ATF6: variants seen among roughly 807,000 people sequenced by gnomAD.
ATF6 encodes activating transcription factor 6.
ATF6 carries 53 observed loss-of-function variants against 83.6 expected under a neutral mutation model. The observed-to-expected ratio is 0.63, with a 90% CI of 0.51 to 0.80. The LOEUF is 0.80. Among genes scored for constraint, ATF6 ranks in the 30% least tolerant of loss-of-function variants. The pLI, the probability that ATF6 is intolerant of heterozygous loss-of-function variation, is 0.00. For missense variants in ATF6, 744 were observed against 797.9 expected, an observed-to-expected ratio of 0.93 and a Z score of 0.81; for synonymous variants, 288 against 285.8, an observed-to-expected ratio of 1.01 and a Z score of -0.08.
intron 2 of ATF6, among the ~76,000 whole-genome samples, chr1:161,781,375 A>G (rs1684632108): frequency 6.6e-6 from 1 of 152,210 alleles, no homozygotes. Flanking sequence ...AGAAAAAAGG[A>G]AAATTACTCA....
intron 15 of ATF6, among the ~76,000 whole-genome samples, chr1:161,937,847 A>T (rs991600052): frequency 4.4e-4 from 66 of 151,706 alleles, no homozygotes; most frequent in African/African-American, 4.8e-5. Context: ...TATGTAACAA[A>T]CCTGCACGTT....
chr1:161,785,863 A>G (rs1022934922), intron 4 of ATF6, among the ~76,000 whole-genome samples: 19 of 151,998 alleles, frequency 1.3e-4, no homozygotes, highest in African/African-American at 4.3e-4. Context: ...GTTTTGTTTT[A>G]TATCTCTTTT....
intron 7 of ATF6, among the ~76,000 whole-genome samples, chr1:161,814,678 C>G (rs1685567942): frequency 6.6e-6 from 1 of 152,112 alleles, no homozygotes; most frequent in Admixed American, 6.5e-5. Flanking sequence ...TTTTGACTGT[C>G]ATGAGATTGA....
intron 10 of ATF6, among the ~76,000 whole-genome samples, chr1:161,849,224 A>C (rs191719330): frequency 1.6e-3 from 245 of 152,258 alleles, no homozygotes; most frequent in Non-Finnish European, 3.0e-3. Flanking sequence ...TCAATGCTTC[A>C]TTTTAGGCTG....
At chr1:161,808,495 G>A (rs968905568) in intron 7 of ATF6, among the ~76,000 whole-genome samples, 2 of 152,058 alleles carry the variant, frequency 1.3e-5, no homozygotes, top group African/African-American at 4.8e-5. Flanking sequence ...CCTGCAACTT[G>A]CTTTTCTCAC....
At chr1:161,828,785 CT>C (rs1384738891) in intron 9 of ATF6, among the ~76,000 whole-genome samples, 2 of 152,096 alleles carry the variant, frequency 1.3e-5, no homozygotes, top group Admixed American at 1.3e-4. Flanking sequence ...TTTAGGTGGG[CT>C]TATGTTGGTG....
At chr1:161,941,883 C>T (rs1394631611) in intron 15 of ATF6, among the ~76,000 whole-genome samples, 2 of 152,038 alleles carry the variant, frequency 1.3e-5, no homozygotes, top group African/African-American at 2.4e-5. Flanking sequence ...AGAGATCTGC[C>T]GCTACGAGCT....
At chr1:161,910,141 G>A (rs1009621631) in intron 14 of ATF6, among the ~76,000 whole-genome samples, 18 of 152,144 alleles carry the variant, frequency 1.2e-4, no homozygotes, top group African/African-American at 4.1e-4. Context: ...GGAAGTGGAG[G>A]TAAATATTCA....
chr1:161,940,789 C>T (rs1398618853), intron 15 of ATF6, among the ~76,000 whole-genome samples: 1 of 152,116 alleles, frequency 6.6e-6, no homozygotes, highest in Admixed American at 6.5e-5. Flanking sequence ...GCCTCGATCT[C>T]TTGACCTTGT....
intron 14 of ATF6, among the ~76,000 whole-genome samples, chr1:161,870,328 G>C (rs1412723265): frequency 6.6e-6 from 1 of 151,804 alleles, no homozygotes; most frequent in Non-Finnish European, 1.5e-5. Flanking sequence ...TATAGCTTCA[G>C]ATTTCAAGTC....
At chr1:161,869,284 A>G (rs1304489935) in intron 14 of ATF6, among the ~76,000 whole-genome samples, 1 of 152,002 alleles carries the variant, frequency 6.6e-6, no homozygotes, top group African/African-American at 2.4e-5. Context: ...GTTTATATGC[A>G]TATATAAAAA....
At chr1:161,900,479 A>T in intron 14 of ATF6, among the ~76,000 whole-genome samples, 1 of 152,194 alleles carries the variant, frequency 6.6e-6, no homozygotes, top group East Asian at 1.9e-4. Flanking sequence ...ATAAGAAGCC[A>T]TTAAGTCAAA....
Position 161,928,627 on chromosome 1 carries a change from T to TA in ATF6, c.1804+16257dup, listed in dbSNP as rs56784074. ...TTTAAATATACAAAAGCCTTTTTTT[T>TA]AAAAAAAAAAGCATTTTTTAGTAGG... On this transcript the variant is annotated intron_variant, in intron 15 of 15. Coordinates refer to ENST00000367942, the MANE Select transcript of ATF6 (RefSeq NM_007348.4). 8.4e-4 allele frequency among the ~76,000 whole-genome samples: 127 copies of TA among 151,238 alleles called. 2 individuals are homozygous for TA. The highest frequency in any genetic ancestry group is 2.4e-3 in the African/African-American group (100 of 41,252).
At chr1:161,915,103 C>T (rs996754182) in intron 15 of ATF6, among the ~76,000 whole-genome samples, 91 of 152,090 alleles carry the variant, frequency 6.0e-4, no homozygotes, top group African/African-American at 2.1e-3. Context: ...AGCTGATGAA[C>T]TCACCAAATA....
chr1:161,835,948 CTGTTTT>C (rs1686202328), intron 9 of ATF6, among the ~76,000 whole-genome samples: 1 of 152,050 alleles, frequency 6.6e-6, no homozygotes, highest in Admixed American at 6.6e-5. Context: ...TGCTTTTACC[CTGTTTT>C]TGTTCTGGGT....
intron 7 of ATF6, among the ~76,000 whole-genome samples, chr1:161,805,178 A>T (rs757387988): frequency 5.3e-5 from 8 of 152,226 alleles, no homozygotes; most frequent in Non-Finnish European, 8.8e-5. Flanking sequence ...TTTTTTAACA[A>T]TGATATACCG....
chr1:161,816,608 C>G (rs547411481), intron 7 of ATF6, among the ~76,000 whole-genome samples: 1 of 152,120 alleles, frequency 6.6e-6, no homozygotes, highest in Non-Finnish European at 1.5e-5. Flanking sequence ...TTTAAAGAAT[C>G]TTGAAAACTA....
intron 9 of ATF6, chr1:161,840,103 A>G (rs1349927446): frequency 1.3e-5 from 2 of 152,198 alleles, no homozygotes; most frequent in South Asian, 2.1e-4. Context: ...GCTCTGTGTC[A>G]TCTTTGGGCT....
At chr1:161,928,515 TA>T (rs1470346382) in intron 15 of ATF6, among the ~76,000 whole-genome samples, 1 of 152,178 alleles carries the variant, frequency 6.6e-6, no homozygotes, top group Non-Finnish European at 1.5e-5. Flanking sequence ...ATCTTAAGTT[TA>T]CCTAATTAAA....
Sources: allele counts gnomAD v4.1 joint callset (sites outside exome capture counted in the v4.1 genomes callset), GRCh38; gene constraint gnomAD v4.1.1; transcripts MANE v1.5; gene names NCBI Gene and HGNC (gene_info 2026-07-23, HGNC 2026-07-21).